PEAK1: variants seen among roughly 807,000 people sequenced by gnomAD.
PEAK1 encodes the protein pseudopodium enriched atypical kinase 1.
In PEAK1, 54 loss-of-function variants were observed where a neutral mutation model predicts 124.7. That is an observed-to-expected ratio of 0.43 (90% confidence interval 0.35 to 0.54). The LOEUF (loss-of-function observed/expected upper bound fraction) is 0.54. PEAK1 is among the 20% of genes least tolerant of loss of function. PEAK1 has a pLI of 0.01. For missense variants in PEAK1, 2,046 were observed against 2,134.5 expected (o/e 0.96, Z 0.82); for synonymous variants, 719 against 760.0 (o/e 0.95, Z 0.89).
chr15:77,222,276 T>A (rs1486982267), intron 6 of PEAK1, among the ~76,000 whole-genome samples: 1 of 152,108 alleles, frequency 6.6e-6, no homozygotes, highest in African/African-American at 2.4e-5. Context: ...CTCTTCTTGT[T>A]TGCTGCCTTA....
intron 2 of PEAK1, among the ~76,000 whole-genome samples, chr15:77,316,764 T>C (rs959141885): frequency 4.6e-5 from 7 of 151,870 alleles, no homozygotes; most frequent in Admixed American, 3.3e-4. Flanking sequence ...TATGGAAAAA[T>C]GTTCAACATA....
At chr15:77,334,270 T>C (rs1388240616) in intron 2 of PEAK1, 2 of 984,900 alleles carry the variant, frequency 2.0e-6, no homozygotes, top group African/African-American at 3.5e-5. Flanking sequence ...CTAGATTTTC[T>C]GGTAGATCAC....
intron 5 of PEAK1, among the ~76,000 whole-genome samples, chr15:77,265,193 G>A (rs1433861287): frequency 3.3e-5 from 5 of 152,058 alleles, no homozygotes; most frequent in African/African-American, 4.8e-5. Flanking sequence ...ACATAGGCAT[G>A]GGCAAGGACT....
chr15:77,398,188 C>A (rs2071060012), intron 1 of PEAK1, among the ~76,000 whole-genome samples: 1 of 152,114 alleles, frequency 6.6e-6, no homozygotes, highest in Non-Finnish European at 1.5e-5. Context: ...TAAAGAAGAA[C>A]TAACACAAAT....
intron 7 of PEAK1, among the ~76,000 whole-genome samples, chr15:77,164,862 C>T (rs749214965): frequency 2.0e-5 from 3 of 151,840 alleles, no homozygotes; most frequent in Non-Finnish European, 4.4e-5. Context: ...ATAGCCTTCT[C>T]CAAGGGGACT....
upstream of PEAK1, chr15:77,420,877 A>G (rs1322446584): frequency 2.5e-6 from 1 of 398,792 alleles, no homozygotes; most frequent in Non-Finnish European, 4.4e-6. Flanking sequence ...GCTGCGGAAG[A>G]ATTTTTGTCC....
At chr15:77,188,154 T>A (rs890530668) in intron 6 of PEAK1, among the ~76,000 whole-genome samples, 11 of 152,028 alleles carry the variant, frequency 7.2e-5, no homozygotes, top group Admixed American at 2.0e-4. Flanking sequence ...AAAAAAAAAA[T>A]TATCATTCCT....
intron 6 of PEAK1, among the ~76,000 whole-genome samples, chr15:77,203,572 A>T (rs2058476870): frequency 6.6e-6 from 1 of 152,180 alleles, no homozygotes; most frequent in African/African-American, 2.4e-5. Context: ...TGGCAAAAGA[A>T]CAGACAAATA....
rs12912963 is a variant in PEAK1 at position 77,236,409 on chromosome 15, C to T, written c.-115+15958G>A. On this transcript the variant is annotated intron_variant, in intron 6 of 9. Coordinates refer to ENST00000682557, the MANE Select transcript of PEAK1 (RefSeq NM_001385026.1). ...CTTTAAGATTTAATAATTGCCCTAT[C>T]GTTTCCGACTTGCATGAGGCCTATA... Among the ~76,000 whole-genome samples the T allele has an allele frequency of 3.9e-5, 6 of 152,162 alleles. No homozygotes were observed. The East Asian group carries it at 5.8e-4, about 15-fold the overall frequency.
intron 8 of PEAK1, among the ~76,000 whole-genome samples, chr15:77,138,342 T>C (rs1367018710): frequency 1.3e-5 from 2 of 152,014 alleles, no homozygotes; most frequent in African/African-American, 4.8e-5. Flanking sequence ...GAGTGGTGAG[T>C]GAATGTAAAG....
chr15:77,383,498 C>A (rs2069660746), intron 1 of PEAK1, among the ~76,000 whole-genome samples: 1 of 152,154 alleles, frequency 6.6e-6, no homozygotes, highest in African/African-American at 2.4e-5. Context: ...CCCTACTTGT[C>A]AGAACTCTGT....
intron 7 of PEAK1, among the ~76,000 whole-genome samples, chr15:77,163,230 T>C (rs958604758): frequency 1.3e-5 from 2 of 152,184 alleles, no homozygotes; most frequent in Non-Finnish European, 2.9e-5. Context: ...TAATGACCAG[T>C]TTTTAATTGA....
intron 2 of PEAK1, among the ~76,000 whole-genome samples, chr15:77,360,365 A>C (rs2067805151): frequency 6.6e-6 from 1 of 152,246 alleles, no homozygotes; most frequent in African/African-American, 2.4e-5. Context: ...GCAACCAAAA[A>C]AATAAATAAG....
At chr15:77,155,596 T>C (rs1468258610) in intron 8 of PEAK1, 16 of 152,242 alleles carry the variant, frequency 1.1e-4, no homozygotes, top group Non-Finnish European at 1.8e-4. Flanking sequence ...TGCTCTGTTT[T>C]TTCCCCATCT....
intron 7 of PEAK1, among the ~76,000 whole-genome samples, chr15:77,170,285 G>A (rs1160460562): frequency 6.6e-6 from 1 of 151,616 alleles, no homozygotes. Context: ...ATCATAAAAA[G>A]TTTAAAATAA....
At position 77,179,907 on chromosome 15, in the gene PEAK1, C is replaced by T; in HGVS notation, c.2020G>A (p.Val674Met). ...TYEEIETESK[V>M]PDNTTSKTTD... ...GTTTTGCTAGTGGTGTTATCAGGCA[C>T]TTTGCTTTCTGTTTCTATTTCTTCA... is the stretch of plus-strand genomic sequence containing the variant. The change falls in exon 7 of 10, where the codon GTG becomes ATG. Residue 674 changes from valine (V) to methionine (M), a missense_variant. Physicochemically the swap from Val to Met is conservative, Grantham distance 21. Transcript: ENST00000682557. The T allele has an allele frequency of 6.2e-7, 1 of 1,614,130 alleles. No homozygotes were observed. Among genetic ancestry groups the T allele is most frequent in the Non-Finnish European group, 8.5e-7 (1 of 1,180,000 alleles).
At chr15:77,228,109 ATTTTT>A (rs985550402) in intron 6 of PEAK1, among the ~76,000 whole-genome samples, 9 of 151,870 alleles carry the variant, frequency 5.9e-5, no homozygotes, top group African/African-American at 2.2e-4. Flanking sequence ...TATTATTTCT[ATTTTT>A]TATTTATTAT....
chr15:77,120,664 G>T (rs961710663), intron 9 of PEAK1, among the ~76,000 whole-genome samples: 1 of 152,060 alleles, frequency 6.6e-6, no homozygotes, highest in Admixed American at 6.6e-5. Flanking sequence ...TGATCCCCTC[G>T]AATACATCTT....
At chr15:77,415,122 C>G (rs2072763600) in intron 1 of PEAK1, among the ~76,000 whole-genome samples, 1 of 152,220 alleles carries the variant, frequency 6.6e-6, no homozygotes, top group African/African-American at 2.4e-5. Context: ...AGTCTGATCA[C>G]TCACTGCTGG....
Sources: allele counts gnomAD v4.1 joint callset (sites outside exome capture counted in the v4.1 genomes callset), GRCh38; gene constraint gnomAD v4.1.1; transcripts MANE v1.5; gene names NCBI Gene and HGNC (gene_info 2026-07-23, HGNC 2026-07-21).